RBFOX2: variants seen among roughly 807,000 people sequenced by gnomAD.
RBFOX2 encodes the protein RNA binding fox-1 homolog 2, also known as RNA binding protein fox-1 homolog 2.
Under a neutral mutation model 49.1 loss-of-function variants are expected in RBFOX2, and 10 were observed. The observed-to-expected ratio is 0.20, with a 90% CI of 0.13 to 0.35. The LOEUF is 0.35. Among genes scored for constraint, RBFOX2 ranks in the 10% least tolerant of loss-of-function variants. The pLI, the probability that RBFOX2 is intolerant of heterozygous loss-of-function variation, is 1.00. For synonymous variants in RBFOX2, 183 were observed against 187.4 expected (o/e 0.98, Z 0.19); for missense variants, 323 against 486.9 (o/e 0.66, Z 3.17).
intron 1 of RBFOX2, among the ~76,000 whole-genome samples, chr22:36,025,143 A>C (rs2146584847): frequency 6.6e-6 from 1 of 152,300 alleles, no homozygotes; most frequent in South Asian, 2.1e-4. Flanking sequence ...TAGGGCCTAT[A>C]GATATTTCTA....
At chr22:36,016,652 C>A (rs1034095305) in intron 1 of RBFOX2, among the ~76,000 whole-genome samples, 1 of 152,214 alleles carries the variant, frequency 6.6e-6, no homozygotes, top group African/African-American at 2.4e-5. Flanking sequence ...CCTAAGAAAA[C>A]CCACGTCTTA....
chr22:36,004,894 T>A (rs1481552463), intron 1 of RBFOX2, among the ~76,000 whole-genome samples: 1 of 152,172 alleles, frequency 6.6e-6, no homozygotes, highest in African/African-American at 2.4e-5. Flanking sequence ...TGAATCCTTA[T>A]TACATAGGAA....
At chr22:35,880,038 C>T (rs1261610862) in intron 1 of RBFOX2, among the ~76,000 whole-genome samples, 1 of 152,140 alleles carries the variant, frequency 6.6e-6, no homozygotes, top group African/African-American at 2.4e-5. Flanking sequence ...TACCTGTAAT[C>T]CCAGCTACTC....
At chr22:35,926,106 T>G (rs2149630178) in intron 1 of RBFOX2, among the ~76,000 whole-genome samples, 1 of 152,354 alleles carries the variant, frequency 6.6e-6, no homozygotes, top group African/African-American at 2.4e-5. Flanking sequence ...CCTTTTGTCT[T>G]ACCTTATACT....
At chr22:35,811,452 A>G (rs1057375423) in intron 1 of RBFOX2, among the ~76,000 whole-genome samples, 3 of 152,194 alleles carry the variant, frequency 2.0e-5, no homozygotes, top group Admixed American at 2.0e-4. Flanking sequence ...GACACAGAGC[A>G]TGACCATCTA....
intron 3 of RBFOX2, 69 bp downstream of exon 4, chr22:35,781,531 T>C: frequency 1.3e-6 from 2 of 1,533,756 alleles, no homozygotes; most frequent in South Asian, 1.2e-5. Flanking sequence ...TAATAATGAC[T>C]AATAACACAT....
chr22:35,796,852 G>A (rs147134643), intron 2 of RBFOX2, among the ~76,000 whole-genome samples: 76 of 152,104 alleles, frequency 5.0e-4, no homozygotes, highest in South Asian at 2.7e-3. Context: ...AGAAACTGTC[G>A]AGCTCATAGT....
chr22:36,016,753 T>C (rs1395436956), intron 1 of RBFOX2, among the ~76,000 whole-genome samples: 1 of 152,242 alleles, frequency 6.6e-6, no homozygotes, highest in Non-Finnish European at 1.5e-5. Flanking sequence ...TCCATCACCA[T>C]CATTTGACAA....
intron 4 of RBFOX2, 27 bp from the exon 6 acceptor site, chr22:35,768,376 A>C (rs967774699): frequency 1.3e-6 from 2 of 1,568,460 alleles, no homozygotes; most frequent in African/African-American, 2.7e-5. Flanking sequence ...AAGGGGGGAA[A>C]ACATGCACAT....
intron 9 of RBFOX2, among the ~76,000 whole-genome samples, chr22:35,758,163 T>C (rs1057372027): frequency 1.3e-5 from 2 of 152,110 alleles, no homozygotes; most frequent in Admixed American, 1.3e-4. Flanking sequence ...AAACAGGTGG[T>C]TTAGTTAATA....
intron 1 of RBFOX2, among the ~76,000 whole-genome samples, chr22:35,953,582 A>T (rs1424782024): frequency 6.6e-6 from 1 of 152,224 alleles, no homozygotes; most frequent in East Asian, 1.9e-4. Context: ...CTACATGGAG[A>T]TAGTGGTTGT....
intron 1 of RBFOX2, among the ~76,000 whole-genome samples, chr22:35,946,281 T>C (rs57985637): frequency 0.077 from 11,759 of 152,202 alleles, 478 homozygotes; most frequent in South Asian, 0.089. Context: ...AACTATTCAC[T>C]TCAGACTCTA....
intron 11 of RBFOX2, among the ~76,000 whole-genome samples, chr22:35,745,371 G>A (rs1932168556): frequency 6.6e-6 from 1 of 152,050 alleles, no homozygotes; most frequent in African/African-American, 2.4e-5. Flanking sequence ...GGACTTCTTC[G>A]ATACTTCTAT....
chr22:35,766,681 AAG>A (rs1394808072), intron 5 of RBFOX2, among the ~76,000 whole-genome samples: 1 of 152,210 alleles, frequency 6.6e-6, no homozygotes, highest in Non-Finnish European at 1.5e-5. Context: ...ACACAAATAA[AAG>A]AAAGAAAAAA....
At chr22:35,985,902 GGATAGATAGATAGATAGATAGATA>G (rs3075246) in intron 1 of RBFOX2, among the ~76,000 whole-genome samples, 42 of 144,074 alleles carry the variant, frequency 2.9e-4, no homozygotes, top group East Asian at 1.5e-3. Context: ...ATAGATAGAT[GGATAGATAGATAGATAGATAGATA>G]GATAGATAGA....
At chr22:35,931,351 T>C (rs2052383752) in intron 1 of RBFOX2, among the ~76,000 whole-genome samples, 1 of 149,674 alleles carries the variant, frequency 6.7e-6, no homozygotes, top group Non-Finnish European at 1.5e-5. Context: ...AGAAAGAAAA[T>C]TATTATAGAT....
At chr22:35,790,106 T>C (rs1036613320) in intron 2 of RBFOX2, among the ~76,000 whole-genome samples, 1 of 152,260 alleles carries the variant, frequency 6.6e-6, no homozygotes, top group Admixed American at 6.5e-5. Context: ...TAATCTCATG[T>C]ATTCAAAACT....
chr22:35,778,133 T>G, intron 3 of RBFOX2, 55 bp from the exon 5 acceptor site: 1 of 1,383,878 alleles, frequency 7.2e-7, no homozygotes. Flanking sequence ...ATCCACATAT[T>G]TTGTTATCTT....
chr22:35,870,478 T>C (rs1407874028), intron 1 of RBFOX2, among the ~76,000 whole-genome samples: 2 of 152,028 alleles, frequency 1.3e-5, no homozygotes, highest in African/African-American at 4.8e-5. Context: ...TCTCAAAACA[T>C]AAATAAACAA....
Sources: allele counts gnomAD v4.1 joint callset (sites outside exome capture counted in the v4.1 genomes callset), GRCh38; gene constraint gnomAD v4.1.1; transcripts MANE v1.5; gene names NCBI Gene and HGNC (gene_info 2026-07-23, HGNC 2026-07-21).